DOP1A: variants seen among roughly 807,000 people sequenced by gnomAD.
The protein encoded by DOP1A is protein DOP1A.
In DOP1A, 90 loss-of-function variants were observed where a neutral mutation model predicts 267.6. The observed-to-expected ratio is 0.34, with a 90% CI of 0.28 to 0.40. The LOEUF (loss-of-function observed/expected upper bound fraction) is 0.40, where lower values mean the gene tolerates loss of function less well. Ranked by LOEUF, DOP1A falls within the 10% of genes least tolerant of loss-of-function variation. The probability of loss-of-function intolerance (pLI) is 1.00; values close to 1 mark genes in which losing one functional copy is unlikely to be tolerated. For synonymous variants in DOP1A, 932 were observed against 999.1 expected (o/e 0.93, Z 1.27); for missense variants, 2,437 against 2,900.4 (o/e 0.84, Z 3.67).
chr6:83,087,009 G>A (rs1394336670), intron 1 of DOP1A, among the ~76,000 whole-genome samples: 3 of 152,136 alleles, frequency 2.0e-5, no homozygotes, highest in East Asian at 1.9e-4. Flanking sequence ...GAAGGAGCCT[G>A]AGCTAATAGT....
chr6:83,088,808 ATTAT>A (rs1239911310), intron 1 of DOP1A, among the ~76,000 whole-genome samples: 1 of 152,198 alleles, frequency 6.6e-6, no homozygotes, highest in African/African-American at 2.4e-5. Context: ...ATTCCTGAAG[ATTAT>A]TTAGTGACAG....
In DOP1A at chr6:83,125,653, C is replaced by G. The variant is rs779283224; in HGVS notation, c.1639C>G (p.Leu547Val). ...GATCCTTAGCAAGGTTCAGCCTCCA[C>G]TGTTATCTGCTAGCACTGGAGGTGT... ...SKILSKVQPP[L>V]LSASTGGVLQ... Residue 547 changes from leucine to valine, a missense_variant, in exon 15 of 39, where the codon CTG becomes GTG. Around this residue, in one of 9 missense-constraint regions of DOP1A, gnomAD observed 498 missense variants for 513.5 expected, o/e 0.97. Coordinates refer to ENST00000349129, the MANE Select transcript of DOP1A (RefSeq NM_015018.4). The G allele has an allele frequency of 6.2e-7, 1 of 1,613,820 alleles. No individual in the cohort carries two copies. Among genetic ancestry groups the G allele is most frequent in the Admixed American group, 1.7e-5 (1 of 59,978 alleles).
intron 3 of DOP1A, among the ~76,000 whole-genome samples, chr6:83,098,148 G>A (rs775554346): frequency 3.9e-5 from 6 of 152,064 alleles, no homozygotes; most frequent in Non-Finnish European, 8.8e-5. Flanking sequence ...GCCTCCCAAA[G>A]TGCTGGGATT....
chr6:83,147,429 AT>A, intron 26 of DOP1A, 138 bp downstream of exon 26: 1 of 401,680 alleles, frequency 2.5e-6, no homozygotes, highest in Non-Finnish European at 4.4e-6. Context: ...ACCTAAGGAT[AT>A]TGAAGATTCC....
At position 83,076,704 on chromosome 6, in the gene DOP1A, A is replaced by G. The variant is rs80124310; in HGVS notation, c.-147+8925A>G. Among the ~76,000 whole-genome samples, 702 of 152,294 alleles carry G rather than the reference A, an allele frequency of 4.6e-3. 6 individuals carry two copies. Among genetic ancestry groups the G allele is most frequent in the African/African-American group, 0.016 (651 of 41,554 alleles). ...AAATGGTTCAGCCCCTGTGGAACAC[A>G]GTATGGCCATTCCTCAAAAAAAGTT... is the stretch of plus-strand genomic sequence containing the variant. On this transcript the variant is annotated intron_variant, in intron 1 of 38. Transcript: ENST00000349129.
intron 4 of DOP1A, among the ~76,000 whole-genome samples, chr6:83,107,982 G>A (rs902293661): frequency 6.6e-6 from 1 of 152,212 alleles, no homozygotes. Context: ...TGGGAAATCA[G>A]TGAAAGGTTT....
chr6:83,088,108 A>G (rs1054611663), intron 1 of DOP1A, among the ~76,000 whole-genome samples: 5 of 151,998 alleles, frequency 3.3e-5, no homozygotes. Flanking sequence ...TCCTGACCTC[A>G]TGATCTACCC....
intron 33 of DOP1A, among the ~76,000 whole-genome samples, chr6:83,155,282 C>G (rs1321859261): frequency 7.6e-5 from 11 of 145,078 alleles, no homozygotes; most frequent in Non-Finnish European, 1.5e-4. Flanking sequence ...GACAAAATAG[C>G]GAGACCCCAG....
intron 12 of DOP1A, 46 bp from the exon 13 acceptor site, chr6:83,124,659 A>AC: frequency 7.3e-7 from 1 of 1,369,134 alleles, no homozygotes; most frequent in Non-Finnish European, 1.0e-6. Context: ...ACAGGTATTC[A>AC]CATCACTTGA....
Position 83,138,197 on chromosome 6 carries a change from C to G in DOP1A, c.4155C>G (p.Phe1385Leu). 6.2e-7 allele frequency: 1 copy of G among 1,613,804 alleles called. No individual in the cohort carries two copies. The highest frequency in any genetic ancestry group is 8.5e-7 in the Non-Finnish European group (1 of 1,179,888). Reference protein sequence around the residue: ...LYDSSRTLYAFSAIKAILKTN... With the variant: ...LYDSSRTLYALSAIKAILKTN... ...ATTCATCCAGGACTTTGTATGCTTT[C>G]TCTGCCATCAAAGCCATCTTGAAAA... The change falls in exon 21 of 39, where the codon TTC (phenylalanine) becomes TTG (leucine). Residue 1385 changes from phenylalanine to leucine, a missense_variant. Physicochemically the swap from Phe to Leu is conservative, Grantham distance 22. Transcript: ENST00000349129.
chr6:83,071,579 G>A (rs958266258), intron 1 of DOP1A, among the ~76,000 whole-genome samples: 1 of 152,014 alleles, frequency 6.6e-6, no homozygotes, highest in African/African-American at 2.4e-5. Flanking sequence ...TCTCCATTTG[G>A]TGGCCCAAAT....
chr6:83,132,260 C>T lies in DOP1A; in HGVS notation c.2701C>T (p.His901Tyr). ...QKSVELFYQL[H>Y]NLVPSSSICE... is the part of the protein sequence containing the mutation. ...GAGTGTGGAACTATTTTATCAATTA[C>T]ATAACTTAGTTCCTTCTTCTAGCAT... The change falls in exon 18 of 39, where the codon CAT becomes TAT. Residue 901 changes from histidine to tyrosine, a missense_variant. This residue lies in a region of DOP1A where 878 missense variants were observed against 992.9 expected (regional missense o/e 0.88). Coordinates refer to ENST00000349129, the MANE Select transcript of DOP1A (RefSeq NM_015018.4). The T allele has an allele frequency of 6.2e-7, 1 of 1,613,796 alleles. No homozygotes were observed. The highest frequency in any genetic ancestry group is 8.5e-7 in the Non-Finnish European group (1 of 1,179,818).
intron 24 of DOP1A, among the ~76,000 whole-genome samples, chr6:83,142,488 A>G (rs1279068456): frequency 6.6e-6 from 1 of 152,176 alleles, no homozygotes; most frequent in East Asian, 1.9e-4. Context: ...AGCCTGGGCA[A>G]CAGAGCAAGA....
chr6:83,106,501 G>A (rs938148148), intron 4 of DOP1A, among the ~76,000 whole-genome samples: 3 of 152,042 alleles, frequency 2.0e-5, no homozygotes, highest in Non-Finnish European at 4.4e-5. Context: ...CAATGAAAAA[G>A]AGTCAGAAAT....
At chr6:83,142,497 G>C (rs908599467) in intron 24 of DOP1A, among the ~76,000 whole-genome samples, 1 of 151,826 alleles carries the variant, frequency 6.6e-6, no homozygotes, top group African/African-American at 2.4e-5. Flanking sequence ...AACAGAGCAA[G>C]ACTCTTCCTC....
chr6:83,140,298 C>A lies in DOP1A; in HGVS notation c.5310C>A (p.Ser1770=). 1 of 1,613,682 alleles carries A rather than the reference C, an allele frequency of 6.2e-7. No individual in the cohort carries two copies. The highest frequency in any genetic ancestry group is 2.2e-5 in the East Asian group (1 of 44,870). The change falls in exon 23 of 39, where the codon TCC becomes TCA. Residue 1770 remains serine, a synonymous_variant. Transcript: ENST00000349129. The stretch of plus-strand genomic sequence containing the variant: ...TCTCAATCCTTCATATGATCATGTC[C>A]TCTGTGACACTGCTTTGGAGCATAC... ...GILSILHMIM[S]SVTLLWSILH...
intron 1 of DOP1A, among the ~76,000 whole-genome samples, chr6:83,095,175 C>T (rs982021783): frequency 1.1e-4 from 17 of 152,120 alleles, no homozygotes; most frequent in African/African-American, 3.6e-4. Context: ...TCAAGCGATC[C>T]GCCTACCTCG....
At chr6:83,159,263 C>T (rs1783618672) in intron 36 of DOP1A, among the ~76,000 whole-genome samples, 1 of 152,026 alleles carries the variant, frequency 6.6e-6, no homozygotes, top group Non-Finnish European at 1.5e-5. Context: ...ATTTCTTGAA[C>T]ATAATATAAG....
intron 8 of DOP1A, 73 bp from the exon 9 acceptor site, chr6:83,119,675 C>G: frequency 4.1e-6 from 5 of 1,231,194 alleles, no homozygotes; most frequent in Non-Finnish European, 5.9e-6. Context: ...TGAGATTTTG[C>G]TGTTTTGGTA....
Sources: gnomAD v4.1 joint callset for allele counts (sites outside exome capture counted in the v4.1 genomes callset) on GRCh38, gnomAD v4.1.1 for gene constraint, gnomAD v4.1.1 regional missense constraint, MANE v1.5 for transcripts, NCBI Gene and HGNC (gene_info 2026-07-23, HGNC 2026-07-21) for gene names.